PTPRN2: variants seen among roughly 807,000 people sequenced by gnomAD.
The protein encoded by PTPRN2 is protein tyrosine phosphatase receptor type N2, also known as receptor-type tyrosine-protein phosphatase N2.
PTPRN2 carries 74 observed loss-of-function variants against 118.8 expected under a neutral mutation model. The ratio of observed to expected loss-of-function variants is 0.62; its 90% CI spans 0.52 to 0.76. The LOEUF (loss-of-function observed/expected upper bound fraction) is 0.76, where lower values mean the gene tolerates loss of function less well. Ranked by LOEUF, PTPRN2 falls within the 30% of genes least tolerant of loss-of-function variation. The probability of loss-of-function intolerance (pLI) is 0.00; values close to 1 mark genes in which losing one functional copy is unlikely to be tolerated. For missense variants in PTPRN2, 1,481 were observed against 1,394.4 expected (o/e 1.06, Z -0.99); for synonymous variants, 641 against 608.0 (o/e 1.05, Z -0.80).
intron 2 of PTPRN2, among the ~76,000 whole-genome samples, chr7:158,480,023 G>A (rs1820546347): frequency 6.6e-6 from 1 of 152,228 alleles, no homozygotes; most frequent in Non-Finnish European, 1.5e-5. Flanking sequence ...GTAGGGTCTG[G>A]CAACTGTTTC....
intron 6 of PTPRN2, among the ~76,000 whole-genome samples, chr7:158,145,964 G>C (rs1343189892): frequency 6.6e-6 from 1 of 152,206 alleles, no homozygotes; most frequent in African/African-American, 2.4e-5. Context: ...ATGGTGACAA[G>C]TGAGGCATGG....
chr7:157,752,260 G>A (rs972847416), intron 12 of PTPRN2, among the ~76,000 whole-genome samples: 6 of 152,210 alleles, frequency 3.9e-5, no homozygotes, highest in African/African-American at 9.7e-5. Context: ...AGCGGGGAAC[G>A]TCGTAAGTGC....
chr7:157,667,314 C>T (rs1484019344), intron 13 of PTPRN2, among the ~76,000 whole-genome samples: 1 of 149,306 alleles, frequency 6.7e-6, no homozygotes, highest in Non-Finnish European at 1.5e-5. Context: ...GCAACGAGTA[C>T]ACAGCCTGGC....
At chr7:158,165,657 G>C (rs569441640) in intron 6 of PTPRN2, among the ~76,000 whole-genome samples, 1 of 152,244 alleles carries the variant, frequency 6.6e-6, no homozygotes, top group Non-Finnish European at 1.5e-5. Flanking sequence ...CACATAACGC[G>C]ATGCTCAGGC....
rs186845475 is a variant in PTPRN2, at chr7:157,560,514, G to C, written c.2902+8388C>G. On this transcript the variant is annotated intron_variant, in intron 21 of 22. Coordinates refer to ENST00000389418, the MANE Select transcript of PTPRN2 (RefSeq NM_002847.5). The surrounding 1 kb of genome is among the most constrained non-coding windows in gnomAD (Gnocchi z 6.7). Reference sequence around the variant, plus strand: ...GCGTTCGTCGTCAGCCCCTTACACGGGACAGGGCACTGCAGACCGGCCCGG... The same window carrying C: ...GCGTTCGTCGTCAGCCCCTTACACGCGACAGGGCACTGCAGACCGGCCCGG... Among the ~76,000 whole-genome samples, 565 of 152,290 alleles carry C rather than the reference G, an allele frequency of 3.7e-3. 4 individuals are homozygous for C. The highest frequency in any genetic ancestry group is 0.013 in the African/African-American group (537 of 41,542).
At chr7:158,495,447 G>A (rs1160827544) in intron 1 of PTPRN2, among the ~76,000 whole-genome samples, 1 of 152,016 alleles carries the variant, frequency 6.6e-6, no homozygotes, top group Non-Finnish European at 1.5e-5. Context: ...CTTCTCCCTT[G>A]CATTCTCAGA....
At chr7:158,371,241 T>C (rs6459871) in intron 2 of PTPRN2, among the ~76,000 whole-genome samples, 99,760 of 151,198 alleles carry the variant, frequency 0.66, 33,384 homozygotes, top group East Asian at 0.83. Flanking sequence ...CTTTTTTTGG[T>C]AGGAAAAATT....
At chr7:157,846,176 C>G (rs886684173) in intron 12 of PTPRN2, among the ~76,000 whole-genome samples, 5 of 152,098 alleles carry the variant, frequency 3.3e-5, no homozygotes, top group Admixed American at 3.3e-4. Context: ...TGAAGATGAG[C>G]CGCCAATATT....
At chr7:158,042,515 G>A (rs1398057636) in intron 11 of PTPRN2, among the ~76,000 whole-genome samples, 1 of 152,204 alleles carries the variant, frequency 6.6e-6, no homozygotes, top group Non-Finnish European at 1.5e-5. Flanking sequence ...ATGGAACTGT[G>A]AACTAATCCT....
At chr7:158,560,673 A>G (rs961058608) in intron 1 of PTPRN2, among the ~76,000 whole-genome samples, 1 of 152,266 alleles carries the variant, frequency 6.6e-6, no homozygotes, top group Non-Finnish European at 1.5e-5. Flanking sequence ...GAAACCCACC[A>G]TGAGCAGGGG....
rs34531048 is a variant in PTPRN2 at position 157,881,743 on chromosome 7, T to TAA, written c.1788+16928_1788+16929dup. ...TGTTCTTTTTGCTTTATGATCTCAT[T>TAA]AAAAAAAAAAAAATAGATTGGCACT... On this transcript the variant is annotated intron_variant, in intron 12 of 22. Coordinates refer to ENST00000389418, the MANE Select transcript of PTPRN2 (RefSeq NM_002847.5). The surrounding 1 kb of genome is among the most constrained non-coding windows in gnomAD (Gnocchi z 4.7). 4.8e-5 allele frequency among the ~76,000 whole-genome samples: 7 copies of TAA among 146,582 alleles called. No homozygotes were observed. The East Asian group carries it at 7.9e-4, about 17-fold the overall frequency.
chr7:158,124,672 C>T lies in PTPRN2; in HGVS notation c.1556+9005G>A, dbSNP rs537726089. Among the ~76,000 whole-genome samples the T allele has an allele frequency of 4.6e-5, 7 of 152,282 alleles. 1 individual carries two copies. Among genetic ancestry groups the T allele is most frequent in the Admixed American group, 2.6e-4 (4 of 15,302 alleles). ...CGTGAACAGGAAGCTGCCTCCCAGA[C>T]GGGACAGGTGCAGAGCTGGGACCTT... is the stretch of plus-strand genomic sequence containing the variant. On this transcript the variant is annotated intron_variant, in intron 9 of 22. Coordinates refer to ENST00000389418, the MANE Select transcript of PTPRN2 (RefSeq NM_002847.5).
intron 11 of PTPRN2, among the ~76,000 whole-genome samples, chr7:157,995,401 T>A (rs112512447): frequency 2.9e-3 from 445 of 152,344 alleles, no homozygotes; most frequent in African/African-American, 0.01. Flanking sequence ...TGTGTCACAC[T>A]CTACGGTTTC....
intron 6 of PTPRN2, among the ~76,000 whole-genome samples, chr7:158,144,986 A>G (rs1252139483): frequency 2.1e-5 from 3 of 142,720 alleles, no homozygotes; most frequent in Non-Finnish European, 4.7e-5. Context: ...GTTCCAGAAT[A>G]CCACGGCTCG....
chr7:158,387,583 G>GGA, intron 2 of PTPRN2, among the ~76,000 whole-genome samples: 1 of 1,174 alleles, frequency 8.5e-4, no homozygotes, highest in Admixed American at 8.1e-3. Context: ...GCTCAGCTTG[G>GGA]CCCGGCCAGG....
At chr7:157,849,149 G>A (rs1584861432) in intron 12 of PTPRN2, among the ~76,000 whole-genome samples, 1 of 152,224 alleles carries the variant, frequency 6.6e-6, no homozygotes, top group East Asian at 1.9e-4. Flanking sequence ...TCTCCAGGGT[G>A]ATGGAGCTGA....
intron 3 of PTPRN2, among the ~76,000 whole-genome samples, chr7:158,272,423 G>A (rs976774831): frequency 6.6e-6 from 1 of 152,232 alleles, no homozygotes; most frequent in Non-Finnish European, 1.5e-5. Context: ...AGTGGTTTGA[G>A]TCAGAAGTAG....
chr7:158,201,605 C>A (rs991048873), intron 4 of PTPRN2, among the ~76,000 whole-genome samples: 1 of 152,196 alleles, frequency 6.6e-6, no homozygotes, highest in Non-Finnish European at 1.5e-5. Context: ...AAGAGCCAGG[C>A]ACCCTTTTAG....
At chr7:158,479,904 C>A (rs1820540021) in intron 2 of PTPRN2, among the ~76,000 whole-genome samples, 1 of 152,258 alleles carries the variant, frequency 6.6e-6, no homozygotes. Flanking sequence ...GGCTCCTGCT[C>A]TGGAGATCGA....
Sources: allele counts gnomAD v4.1 joint callset (sites outside exome capture counted in the v4.1 genomes callset), GRCh38; gene constraint gnomAD v4.1.1; non-coding constraint Gnocchi (gnomAD v3.1); transcripts MANE v1.5; gene names NCBI Gene and HGNC (gene_info 2026-07-23, HGNC 2026-07-21).